Variants in SCN1A observed in about 807,000 individuals in gnomAD.
SCN1A encodes sodium voltage-gated channel alpha subunit 1.
SCN1A carries 13 observed loss-of-function variants against 193.7 expected under a neutral mutation model. The ratio of observed to expected loss-of-function variants is 0.07; its 90% CI spans 0.04 to 0.11. The LOEUF (loss-of-function observed/expected upper bound fraction) is 0.11. Ranked by LOEUF, SCN1A falls within the 10% of genes least tolerant of loss-of-function variation. The probability of loss-of-function intolerance (pLI) is 1.00; values close to 1 mark genes in which losing one functional copy is unlikely to be tolerated. For missense variants in SCN1A, 1,432 were observed against 2,451.1 expected (o/e 0.58, Z 8.78); for synonymous variants, 781 against 843.6 (o/e 0.93, Z 1.29).
chr2:166,014,367 G>A (rs1421237745), intron 20 of SCN1A, among the ~76,000 whole-genome samples: 2 of 151,536 alleles, frequency 1.3e-5, no homozygotes, highest in Non-Finnish European at 3.0e-5. Flanking sequence ...GCCTAGAAGG[G>A]CTTATGTAAT....
intron 2 of SCN1A, among the ~76,000 whole-genome samples, chr2:166,096,409 G>A (rs1687387214): frequency 6.6e-6 from 1 of 152,074 alleles, no homozygotes. Flanking sequence ...AGCTTCCCGA[G>A]TAGCTGGGAT....
chr2:166,120,180 C>A (rs1218937734), intron 2 of SCN1A, among the ~76,000 whole-genome samples: 1 of 149,684 alleles, frequency 6.7e-6, no homozygotes, highest in Non-Finnish European at 1.5e-5. Flanking sequence ...GTTTTATGCA[C>A]TTTATGTTCC....
chr2:166,144,554 A>G (rs1255679782), intron 1 of SCN1A, among the ~76,000 whole-genome samples: 1 of 151,188 alleles, frequency 6.6e-6, no homozygotes, highest in Admixed American at 6.9e-5. Context: ...ATACGAATAA[A>G]TGTATGATAA....
chr2:166,039,263 G>T (rs1696837992), intron 17 of SCN1A, among the ~76,000 whole-genome samples, 160 bp downstream of exon 17: 1 of 152,126 alleles, frequency 6.6e-6, no homozygotes, highest in Admixed American at 6.5e-5. Flanking sequence ...AAATAATTGA[G>T]AATTTTTTTC....
At chr2:166,128,812 T>G (rs1258763691), upstream of SCN1A, among the ~76,000 whole-genome samples, 4 of 152,184 alleles carry the variant, frequency 2.6e-5, no homozygotes, top group Non-Finnish European at 5.9e-5. Context: ...AAGATAGAAT[T>G]ATAAAAACCA....
chr2:166,141,668 A>G (rs1437185042), intron 1 of SCN1A, among the ~76,000 whole-genome samples: 1 of 152,120 alleles, frequency 6.6e-6, no homozygotes, highest in Non-Finnish European at 1.5e-5. Flanking sequence ...GGATATACCA[A>G]AGTTTATTTA....
chr2:166,042,218 A>G lies in SCN1A; in HGVS notation c.2176+74T>C, dbSNP rs577457453. The G allele has an allele frequency of 2.7e-6, 4 of 1,486,008 alleles. No individual in the cohort carries two copies. The South Asian group carries it at 3.5e-5, about 13-fold the overall frequency. 92.1% of individuals were successfully genotyped at this position (1,486,008 alleles called of 1,614,324 possible). ...TAGAATGCACTATTCCCAACTCACA[A>G]ATATATTTGTTTGAAATGAGACAAT... On this transcript the variant is annotated intron_variant, in intron 15 of 28. Transcript: ENST00000674923.
At chr2:166,061,468 TAGATAGG>T (rs1683300124) in intron 4 of SCN1A, among the ~76,000 whole-genome samples, 1 of 152,090 alleles carries the variant, frequency 6.6e-6, no homozygotes, top group Non-Finnish European at 1.5e-5. Context: ...AAATTACAAC[TAGATAGG>T]AGGAACACAT....
At chr2:166,049,454 A>G (rs1354738607) in intron 9 of SCN1A, among the ~76,000 whole-genome samples, 2 of 112,946 alleles carry the variant, frequency 1.8e-5, no homozygotes, top group Non-Finnish European at 4.2e-5. Flanking sequence ...ATAATTAAGT[A>G]TAACATATTC....
At chr2:166,118,587 T>C (rs1412827022) in intron 2 of SCN1A, among the ~76,000 whole-genome samples, 2 of 152,032 alleles carry the variant, frequency 1.3e-5, no homozygotes, top group South Asian at 2.1e-4. Flanking sequence ...TGTTTTCTCC[T>C]TGGTTTTGTC....
chr2:165,995,563 G>A (rs535537642), intron 27 of SCN1A, among the ~76,000 whole-genome samples: 28 of 151,738 alleles, frequency 1.8e-4, no homozygotes, highest in Non-Finnish European at 3.7e-4. Flanking sequence ...AGTATCTCTA[G>A]TGAAAAATAA....
intron 19 of SCN1A, among the ~76,000 whole-genome samples, chr2:166,035,740 A>G (rs1375986802): frequency 6.6e-6 from 1 of 152,198 alleles, no homozygotes; most frequent in Non-Finnish European, 1.5e-5. Context: ...AATTTCCTGA[A>G]TACAGTACAC....
At chr2:165,999,517 G>T (rs1690534800) in intron 25 of SCN1A, among the ~76,000 whole-genome samples, 1 of 151,478 alleles carries the variant, frequency 6.6e-6, no homozygotes, top group Non-Finnish European at 1.5e-5. Flanking sequence ...TTGTTACTTT[G>T]GTTTTCAAAA....
At chr2:166,123,664 C>T (rs898315729) in intron 2 of SCN1A, 1 of 152,116 alleles carries the variant, frequency 6.6e-6, no homozygotes, top group Non-Finnish European at 1.5e-5. Flanking sequence ...TTTCAGAGAA[C>T]TTTACAAACT....
At chr2:166,073,705 G>C (rs571600918) in intron 3 of SCN1A, 35 bp from the exon 4 acceptor site, 978 of 1,360,006 alleles carry the variant, frequency 7.2e-4, no homozygotes, top group Middle Eastern at 9.5e-4. Context: ...TTTAAAGAGT[G>C]GACTAAGAGA....
intron 22 of SCN1A, 150 bp downstream of exon 22, chr2:166,011,959 C>G: frequency 5.8e-6 from 4 of 690,290 alleles, no homozygotes; most frequent in Non-Finnish European, 1.0e-5. Flanking sequence ...CCCTTGTCTT[C>G]CAGAAATGAC....
At chr2:166,043,063 C>G (rs1697359565) in intron 14 of SCN1A, among the ~76,000 whole-genome samples, 1 of 152,134 alleles carries the variant, frequency 6.6e-6, no homozygotes, top group South Asian at 2.1e-4. Context: ...TTAGAAATTC[C>G]TCATCTGAGT....
rs1332384197 is a variant in SCN1A, at chr2:166,051,602, A to G, written c.964+117T>C. The G allele has an allele frequency of 6.7e-6, 5 of 745,154 alleles. No individual in the cohort carries two copies. In the South Asian group the frequency reaches 7.4e-5, roughly 11 times the overall value. 46.2% of individuals were successfully genotyped at this position (745,154 alleles called of 1,614,324 possible). On this transcript the variant is annotated intron_variant, in intron 9 of 28. Transcript: ENST00000674923. Reference sequence around the variant, plus strand: ...TGAGATGTTTTGATACAGGCCTGCAATGTGTGCTAATCACATCATGTAAAA... The same window carrying G: ...TGAGATGTTTTGATACAGGCCTGCAGTGTGTGCTAATCACATCATGTAAAA...
chr2:166,109,895 G>T (rs1168617594), intron 2 of SCN1A, among the ~76,000 whole-genome samples: 1 of 151,932 alleles, frequency 6.6e-6, no homozygotes, highest in Non-Finnish European at 1.5e-5. Context: ...TGATTAATGG[G>T]TATAAAAATG....
Sources: gnomAD v4.1 joint callset for allele counts (sites outside exome capture counted in the v4.1 genomes callset) on GRCh38, gnomAD v4.1.1 for gene constraint, MANE v1.5 for transcripts, NCBI Gene and HGNC (gene_info 2026-07-23, HGNC 2026-07-21) for gene names.